Variants in KIAA0319L observed in about 807,000 individuals in gnomAD.
KIAA0319L encodes KIAA0319 like.
A neutral mutation model predicts 120.1 loss-of-function variants in KIAA0319L; 55 were observed. That is an observed-to-expected ratio of 0.46 (90% CI 0.37 to 0.57). The LOEUF (loss-of-function observed/expected upper bound fraction) is 0.57. Ranked by LOEUF, KIAA0319L falls within the 20% of genes least tolerant of loss-of-function variation. The pLI is 0.00. For synonymous variants in KIAA0319L, 398 were observed against 471.9 expected, an observed-to-expected ratio of 0.84 and a Z score of 2.03; for missense variants, 1,049 against 1,255.3, an observed-to-expected ratio of 0.84 and a Z score of 2.48.
intron 2 of KIAA0319L, among the ~76,000 whole-genome samples, chr1:35,518,280 G>A (rs1022278506): frequency 6.6e-6 from 1 of 152,228 alleles, no homozygotes. Context: ...GTTCATTACA[G>A]CACTATTCAC....
chr1:35,512,420 G>T (rs988917333), intron 2 of KIAA0319L, among the ~76,000 whole-genome samples: 2 of 146,438 alleles, frequency 1.4e-5, no homozygotes, highest in Non-Finnish European at 3.0e-5. Flanking sequence ...GTAAAGGAAA[G>T]AAATGATAAA....
At chr1:35,503,345 C>A (rs560538740) in intron 3 of KIAA0319L, among the ~76,000 whole-genome samples, 1 of 152,326 alleles carries the variant, frequency 6.6e-6, no homozygotes, top group South Asian at 2.1e-4. Context: ...AGTATTCTAA[C>A]CTTCCTGCCC....
chr1:35,460,216 A>G (rs1327731758), intron 9 of KIAA0319L, 89 bp downstream of exon 9: 1 of 1,075,134 alleles, frequency 9.3e-7, no homozygotes, highest in Middle Eastern at 2.1e-4. Context: ...TGAATTTGAT[A>G]TTTGTCAAAG....
Position 35,434,559 on chromosome 1 carries a change from G to A in KIAA0319L, c.*335C>T. On this transcript the variant is annotated 3_prime_UTR_variant, in exon 21 of 21. Transcript: ENST00000325722. ...GCAGGCCTCACCTTGCAGCACTCTG[G>A]GCACAATGACACTGTCCACTGGGGA... 3.7e-6 allele frequency: 1 copy of A among 272,082 alleles called. No homozygotes were observed. The highest frequency in any genetic ancestry group is 5.0e-5 in the Admixed American group (1 of 19,894). 16.9% of individuals were successfully genotyped at this position (272,082 alleles called of 1,614,324 possible). A position where few individuals can be genotyped will look rare whatever the true frequency, so the allele number is the denominator to read the frequency against.
rs534511989 is a variant in KIAA0319L at position 35,451,921 on chromosome 1, C to T, written c.1914-145G>A. On this transcript the variant is annotated intron_variant, in intron 12 of 20. Transcript: ENST00000325722. ...TGACAAGACATGTTTAAAAATATTT[C>T]AATTGGACAAAGTGTCATTTGGCCT... 10 of 846,618 alleles carry T rather than the reference C, an allele frequency of 1.2e-5. 1 individual carries two copies. The South Asian group carries it at 1.5e-4, about 13-fold the overall frequency. 52.4% of individuals were successfully genotyped at this position (846,618 alleles called of 1,614,324 possible).
At chr1:35,549,311 G>A (rs1415859020) in intron 2 of KIAA0319L, among the ~76,000 whole-genome samples, 1 of 152,080 alleles carries the variant, frequency 6.6e-6, no homozygotes, top group African/African-American at 2.4e-5. Flanking sequence ...GCCTCTCAAA[G>A]TGCTAGGATA....
intron 3 of KIAA0319L, among the ~76,000 whole-genome samples, chr1:35,484,351 T>C (rs1166248186): frequency 4.6e-5 from 7 of 152,142 alleles, no homozygotes; most frequent in Non-Finnish European, 2.9e-5. Context: ...TGAAGGAGGA[T>C]TGCTTGAACC....
intron 3 of KIAA0319L, among the ~76,000 whole-genome samples, chr1:35,504,735 C>T (rs1440435177): frequency 6.6e-6 from 1 of 152,182 alleles, no homozygotes; most frequent in Non-Finnish European, 1.5e-5. Context: ...TTCCAGTCTA[C>T]TCACCACATA....
chr1:35,436,254 C>T (rs912387102), intron 20 of KIAA0319L, among the ~76,000 whole-genome samples: 2 of 152,344 alleles, frequency 1.3e-5, no homozygotes, highest in African/African-American at 4.8e-5. Flanking sequence ...GACCCTGATG[C>T]GCCTGCCATT....
rs759803375 is a variant in KIAA0319L at position 35,478,562 on chromosome 1, T to TAAA, written c.913+403_913+404insTTT. ...TACAACTACTATATATCCACAAAAA[T>TAAA]TAAAAGTTTTAAAAATAAATAAAAA... On this transcript the variant is annotated intron_variant, in intron 4 of 20. Transcript: ENST00000325722. Among the ~76,000 whole-genome samples the TAAA allele has an allele frequency of 1.2e-3, 190 of 152,048 alleles. 2 individuals carry two copies. In the East Asian group the frequency reaches 0.017, roughly 14 times the overall value.
intron 2 of KIAA0319L, among the ~76,000 whole-genome samples, chr1:35,540,968 G>C (rs181497548): frequency 6.6e-6 from 1 of 151,702 alleles, no homozygotes; most frequent in Non-Finnish European, 1.5e-5. Context: ...TCTTGAGACA[G>C]TCTCACTCTG....
intron 13 of KIAA0319L, among the ~76,000 whole-genome samples, chr1:35,451,153 A>T (rs1642031258): frequency 6.6e-6 from 1 of 152,166 alleles, no homozygotes; most frequent in African/African-American, 2.4e-5. Context: ...GTGCCTGTAA[A>T]CTAGAGCAAG....
chr1:35,477,681 A>C (rs893094931), intron 4 of KIAA0319L, among the ~76,000 whole-genome samples: 6 of 151,724 alleles, frequency 4.0e-5, no homozygotes, highest in East Asian at 1.9e-4. Context: ...AAAAAAAAAA[A>C]AAAAAAACCT....
intron 2 of KIAA0319L, among the ~76,000 whole-genome samples, chr1:35,528,692 A>G (rs1286984188): frequency 6.6e-6 from 1 of 152,082 alleles, no homozygotes; most frequent in South Asian, 2.1e-4. Flanking sequence ...TAATCTGTCT[A>G]TTGTTGAGAG....
chr1:35,498,383 G>A (rs191480578), intron 3 of KIAA0319L, among the ~76,000 whole-genome samples: 3 of 151,904 alleles, frequency 2.0e-5, no homozygotes, highest in Non-Finnish European at 2.9e-5. Context: ...ATTTTTAGGG[G>A]ATAATAAAGG....
intron 14 of KIAA0319L, 112 bp from the exon 15 acceptor site, chr1:35,450,117 TTGG>T: frequency 7.5e-7 from 1 of 1,338,990 alleles, no homozygotes; most frequent in South Asian, 1.3e-5. Flanking sequence ...TGTTTCAACC[TTGG>T]GCAGTTCCTG....
Position 35,530,852 on chromosome 1 carries a change from A to G in KIAA0319L, c.142+23498T>C, listed in dbSNP as rs142988525. On this transcript the variant is annotated intron_variant, in intron 2 of 20. Coordinates refer to ENST00000325722, the MANE Select transcript of KIAA0319L (RefSeq NM_024874.5). ...ATTTCTTCGGCAACGAACACCATCC[A>G]GCAACGAACACCATCAGTGGCATCT... Among the ~76,000 whole-genome samples the G allele has an allele frequency of 5.5e-4, 84 of 152,284 alleles. 1 individual carries two copies. In the East Asian group the frequency reaches 0.015, roughly 27 times the overall value.
chr1:35,526,879 C>T (rs1646169041), intron 2 of KIAA0319L, among the ~76,000 whole-genome samples: 1 of 152,020 alleles, frequency 6.6e-6, no homozygotes, highest in Admixed American at 6.6e-5. Flanking sequence ...GAGTTAAAGA[C>T]CAGCCTGGGC....
intron 7 of KIAA0319L, among the ~76,000 whole-genome samples, chr1:35,464,467 A>G (rs1643116843): frequency 6.6e-6 from 1 of 152,254 alleles, no homozygotes; most frequent in Non-Finnish European, 1.5e-5. Context: ...CTGGCAGAAG[A>G]AATTTCTAAA....
Sources: allele counts gnomAD v4.1 joint callset (sites outside exome capture counted in the v4.1 genomes callset), GRCh38; gene constraint gnomAD v4.1.1; transcripts MANE v1.5; gene names NCBI Gene and HGNC (gene_info 2026-07-23, HGNC 2026-07-21).